Variants in PREPL observed in about 807,000 individuals in gnomAD.
PREPL encodes the protein prolyl endopeptidase-like.
A neutral mutation model predicts 70.6 loss-of-function variants in PREPL; 77 were observed. That is an observed-to-expected ratio of 1.09 (90% CI 0.91 to 1.32). The LOEUF (loss-of-function observed/expected upper bound fraction) is 1.32. Ranked by LOEUF, PREPL falls within the 40% of genes most tolerant of loss-of-function variation. The probability of loss-of-function intolerance (pLI) is 0.00; values close to 1 mark genes in which losing one functional copy is unlikely to be tolerated. For synonymous variants in PREPL, 315 were observed against 264.8 expected, an observed-to-expected ratio of 1.19 and a Z score of -1.84; for missense variants, 1,002 against 778.2, an observed-to-expected ratio of 1.29 and a Z score of -3.42.
intron 9 of PREPL, 114 bp from the exon 10 acceptor site, chr2:44,327,042 G>A (rs1222306417): frequency 2.3e-6 from 2 of 869,492 alleles, no homozygotes; most frequent in African/African-American, 1.7e-5. Flanking sequence ...AGCTAAGACT[G>A]GTTTTTGCTT....
chr2:44,341,566 G>C (rs984519073), intron 5 of PREPL, among the ~76,000 whole-genome samples: 5 of 151,984 alleles, frequency 3.3e-5, no homozygotes, highest in Non-Finnish European at 7.4e-5. Context: ...TAGATATGTG[G>C]TTACAGGAAG....
intron 7 of PREPL, among the ~76,000 whole-genome samples, chr2:44,336,907 T>G (rs905089293): frequency 1.3e-5 from 2 of 152,118 alleles, no homozygotes; most frequent in Admixed American, 1.3e-4. Flanking sequence ...TTTCAGGCCC[T>G]TGTTATTTCT....
chr2:44,332,684 T>G (rs777614925), intron 7 of PREPL, 28 bp from the exon 8 acceptor site: 15 of 1,547,948 alleles, frequency 9.7e-6, no homozygotes, highest in Non-Finnish European at 1.2e-5. Context: ...CTATTTTTAT[T>G]CTTTATTTAG....
At chr2:44,337,623 A>G (rs1335824705) in intron 7 of PREPL, among the ~76,000 whole-genome samples, 1 of 152,310 alleles carries the variant, frequency 6.6e-6, no homozygotes, top group African/African-American at 2.4e-5. Context: ...ATCAAACAAA[A>G]TGGAAGCCAT....
At chr2:44,359,968 T>C in intron 1 of PREPL, 1 of 440,546 alleles carries the variant, frequency 2.3e-6, no homozygotes, top group Non-Finnish European at 4.1e-6. Flanking sequence ...GACTTAAATG[T>C]CTCATTTGTA....
intron 1 of PREPL, among the ~76,000 whole-genome samples, chr2:44,346,894 A>G (rs982965057): frequency 2.6e-5 from 4 of 152,158 alleles, no homozygotes; most frequent in African/African-American, 9.7e-5. Flanking sequence ...AGCCAGAGTG[A>G]TAAGAAATAT....
chr2:44,337,464 G>A (rs971312466), intron 7 of PREPL, among the ~76,000 whole-genome samples: 1 of 152,082 alleles, frequency 6.6e-6, no homozygotes, highest in African/African-American at 2.4e-5. Context: ...TATAATGCCC[G>A]ATACAGTATT....
chr2:44,327,943 A>G (rs1367839930), intron 9 of PREPL, among the ~76,000 whole-genome samples: 1 of 151,896 alleles, frequency 6.6e-6, no homozygotes, highest in Non-Finnish European at 1.5e-5. Context: ...TGAGCTCAGG[A>G]GTTCGAGACC....
intron 1 of PREPL, chr2:44,359,690 A>T: frequency 6.2e-7 from 1 of 1,612,786 alleles, no homozygotes; most frequent in Non-Finnish European, 8.5e-7. Context: ...CAAAGCTTGG[A>T]GAAATAATTT....
intron 7 of PREPL, among the ~76,000 whole-genome samples, chr2:44,333,477 C>A (rs1674323975): frequency 6.6e-6 from 1 of 151,812 alleles, no homozygotes; most frequent in Non-Finnish European, 1.5e-5. Context: ...GTAGAAAGAG[C>A]AAATTCCTTA....
intron 8 of PREPL, 105 bp downstream of exon 8, chr2:44,332,354 C>T: frequency 2.0e-6 from 2 of 1,008,302 alleles, no homozygotes; most frequent in African/African-American, 1.6e-5. Context: ...TCTAAGAAAT[C>T]TACATTAGGA....
rs1380188666 is a variant in PREPL, at chr2:44,318,990, A to G, written c.*2366T>C. On this transcript the variant is annotated 3_prime_UTR_variant, in exon 14 of 14. Coordinates refer to ENST00000409411, the MANE Select transcript of PREPL (RefSeq NM_001171613.2). Reference sequence around the variant, plus strand: ...GAAAGTAGTAACTCAAGTAGACAATAATAGCTAACACTTACCGGGCACTTC... The same window carrying G: ...GAAAGTAGTAACTCAAGTAGACAATGATAGCTAACACTTACCGGGCACTTC... 1 of 152,248 alleles carries G rather than the reference A, an allele frequency of 6.6e-6. No homozygotes were observed. Among genetic ancestry groups the G allele is most frequent in the African/African-American group, 2.4e-5 (1 of 41,466 alleles). 9.4% of individuals were successfully genotyped at this position (152,248 alleles called of 1,614,324 possible). A position where few individuals can be genotyped will look rare whatever the true frequency, so the allele number is the denominator to read the frequency against.
chr2:44,349,271 A>AG (rs1258417310), intron 1 of PREPL, among the ~76,000 whole-genome samples: 5 of 152,176 alleles, frequency 3.3e-5, no homozygotes, highest in Non-Finnish European at 5.9e-5. Context: ...GCTAATTCTA[A>AG]GGCTAGAGCA....
At position 44,359,088 on chromosome 2, in the gene PREPL, T is replaced by C. The variant is rs866224135; in HGVS notation, c.-49+2292A>G. ...TACACTTTTTTTTTTTTTTTTTTTT[T>C]CAGACAGAGTCTCCCTGTCACCCAG... On this transcript the variant is annotated intron_variant, in intron 1 of 13. Transcript: ENST00000409411. 4.4e-3 allele frequency among the ~76,000 whole-genome samples: 501 copies of C among 114,774 alleles called. 6 individuals are homozygous for C. Among genetic ancestry groups the C allele is most frequent in the African/African-American group, 0.014 (443 of 30,896 alleles). 75.3% of individuals were successfully genotyped at this position (114,774 alleles called of 152,430 possible).
At chr2:44,325,887 G>A (rs897699989) in intron 10 of PREPL, among the ~76,000 whole-genome samples, 3 of 152,116 alleles carry the variant, frequency 2.0e-5, no homozygotes, top group East Asian at 1.9e-4. Context: ...ATGTAACTTC[G>A]TAATTTCTGA....
In PREPL at chr2:44,343,753, G is replaced by A. The variant is rs547248696; in HGVS notation, c.341C>T (p.Ser114Phe). Residue 114 changes from serine (S) to phenylalanine (F), a missense_variant, in exon 4 of 14, where the codon TCC becomes TTC. Physicochemically the swap from Ser to Phe is radical, Grantham distance 155 (BLOSUM62 -2). Transcript: ENST00000409411. ...PVMEASFPNVSSFEWVKDEED... is the reference protein window; with the variant it reads ...PVMEASFPNVFSFEWVKDEED... ...TTTGGTTGGTGGCTTACCAAAACTG[G>A]ACACATTCGGGAAAGAAGCTTCCAT... 2 of 1,612,996 alleles carry A rather than the reference G, an allele frequency of 1.2e-6. No individual in the cohort carries two copies. Among genetic ancestry groups the A allele is most frequent in the South Asian group, 2.2e-5 (2 of 91,052 alleles).
chr2:44,325,191 G>A (rs573953958), intron 10 of PREPL, among the ~76,000 whole-genome samples: 53 of 152,196 alleles, frequency 3.5e-4, no homozygotes, highest in Non-Finnish European at 6.3e-4. Flanking sequence ...GAGTAGCTGT[G>A]TGACCCATGT....
At position 44,320,429 on chromosome 2, in the gene PREPL, T is replaced by C; in HGVS notation, c.*927A>G. The C allele has an allele frequency of 6.2e-7, 1 of 1,614,092 alleles. No homozygotes were observed. ...ATAATATGATTTCGGGCCTTCCCGC[T>C]AAAATGAGAATAAGGTTAAGTACCA... On this transcript the variant is annotated 3_prime_UTR_variant, in exon 14 of 14. Transcript: ENST00000409411.
intron 1 of PREPL, among the ~76,000 whole-genome samples, chr2:44,361,079 A>G (rs189205641): frequency 6.6e-6 from 1 of 152,252 alleles, no homozygotes; most frequent in Non-Finnish European, 1.5e-5. Flanking sequence ...AAGGTCCTAC[A>G]TCACCACGTT....
Sources: gnomAD v4.1 joint callset for allele counts (sites outside exome capture counted in the v4.1 genomes callset) on GRCh38, gnomAD v4.1.1 for gene constraint, MANE v1.5 for transcripts, NCBI Gene and HGNC (gene_info 2026-07-23, HGNC 2026-07-21) for gene names.